KIAA1210: variants seen among roughly 807,000 people sequenced by gnomAD.
KIAA1210 encodes the protein KIAA1210, also known as acrosomal protein KIAA1210.
In KIAA1210, 48 loss-of-function variants were observed where a neutral mutation model predicts 78.9. The observed-to-expected ratio is 0.61, with a 90% CI of 0.48 to 0.77. The LOEUF is 0.77. Ranked by LOEUF, KIAA1210 falls within the 30% of genes least tolerant of loss-of-function variation. The probability of loss-of-function intolerance (pLI) is 0.00; values close to 1 mark genes in which losing one functional copy is unlikely to be tolerated. For synonymous variants in KIAA1210, 406 were observed against 404.5 expected (o/e 1.00, Z -0.04); for missense variants, 1,108 against 1,100.0 (o/e 1.01, Z -0.10).
Position 119,081,215 on chromosome X carries a change from G to T in KIAA1210, c.*114C>A. On this transcript the variant is annotated 3_prime_UTR_variant, in exon 12 of 12. Coordinates refer to ENST00000691062, the MANE Select transcript of KIAA1210 (RefSeq NM_001394962.1). ...CCGGGAGGCGGAGCTTGCAGTGAGC[G>T]GAGATCGCGCCACTGCACTCCAATC... 1.7e-6 allele frequency: 1 copy of T among 572,119 alleles called. No individual in the cohort carries two copies. The allele number at this position is 572,119 out of a possible 1,213,427, so 47.1% of individuals were successfully genotyped here. A position where few individuals can be genotyped will look rare whatever the true frequency, so the allele number is the denominator to read the frequency against.
intron 2 of KIAA1210, among the ~76,000 whole-genome samples, chrX:119,133,955 A>G (rs986034197): frequency 9.0e-6 from 1 of 111,450 alleles, no homozygotes; most frequent in African/African-American, 3.3e-5. Flanking sequence ...GTAGATATTC[A>G]TCACCTCAAA....
chrX:119,097,242 T>C (rs1927584606), intron 6 of KIAA1210, among the ~76,000 whole-genome samples: 1 of 111,640 alleles, frequency 9.0e-6, no homozygotes, highest in Non-Finnish European at 1.9e-5. Flanking sequence ...GGGAGGACCC[T>C]CAGGAACTGA....
At chrX:119,094,486 C>T (rs1400255181) in intron 7 of KIAA1210, among the ~76,000 whole-genome samples, 1 of 112,437 alleles carries the variant, frequency 8.9e-6, no homozygotes, top group Non-Finnish European at 1.9e-5. Context: ...TACACTCCCA[C>T]TCAAAGTGCC....
At chrX:119,111,046 C>A (rs192505833) in intron 3 of KIAA1210, among the ~76,000 whole-genome samples, 10 of 110,482 alleles carry the variant, frequency 9.1e-5, no homozygotes, top group Non-Finnish European at 1.3e-4. Flanking sequence ...TCAAAGCTTA[C>A]TATAAAACTA....
intron 3 of KIAA1210, among the ~76,000 whole-genome samples, chrX:119,115,344 C>T (rs1401718927): frequency 9.0e-6 from 1 of 111,016 alleles, no homozygotes; most frequent in East Asian, 2.8e-4. Context: ...AACCTGAATG[C>T]CCCTCCCTGA....
rs1286133236 is a variant in KIAA1210, at chrX:119,087,811, T to C, written c.2891A>G (p.Glu964Gly). Residue 964 changes from glutamate to glycine, a missense_variant, in exon 9 of 12, where the codon GAG becomes GGG. By Grantham distance (98) the Glu-to-Gly change is moderately conservative (BLOSUM62 -2). Coordinates refer to ENST00000691062, the MANE Select transcript of KIAA1210 (RefSeq NM_001394962.1). Reference protein sequence around the residue: ...NKVQQLSSNFERAAIEADISG... With the variant: ...NKVQQLSSNFGRAAIEADISG... ...AATGTCTGCCTCAATAGCAGCCCGC[T>C]CGAAATTTGAGGACAGTTGCTGGAC... The C allele has an allele frequency of 3.3e-6, 4 of 1,210,063 alleles. No homozygotes were observed. The highest frequency in any genetic ancestry group is 4.4e-5 in the Admixed American group (2 of 45,793).
intron 2 of KIAA1210, among the ~76,000 whole-genome samples, chrX:119,133,641 G>A (rs1235667453): frequency 9.2e-6 from 1 of 108,870 alleles, no homozygotes; most frequent in Admixed American, 9.8e-5. Context: ...TAGAGGAGGA[G>A]AACAATCTTT....
At position 119,093,916 on chromosome X, in the gene KIAA1210, A is replaced by C; in HGVS notation, c.847-141T>G. ...TACCTTTAAAGATGGACGTTATTTC[A>C]ATGGAGATATTTCCAGGGATTTCTT... On this transcript the variant is annotated intron_variant, in intron 7 of 11. Transcript: ENST00000691062. 3.3e-6 allele frequency: 3 copies of C among 897,512 alleles called. No individual in the cohort carries two copies. In the South Asian group the frequency reaches 6.4e-5, roughly 19 times the overall value. The allele number at this position is 897,512 out of a possible 1,213,427, so 74.0% of individuals were successfully genotyped here. A position where few individuals can be genotyped will look rare whatever the true frequency, so the allele number is the denominator to read the frequency against.
intron 3 of KIAA1210, 28 bp downstream of exon 3, chrX:119,116,468 C>G: frequency 8.3e-7 from 1 of 1,201,191 alleles, no homozygotes; most frequent in African/African-American, 1.7e-5. Context: ...CCCCTGTCCC[C>G]ATCACTCTCC....
intron 6 of KIAA1210, among the ~76,000 whole-genome samples, chrX:119,099,103 G>A (rs1238299293): frequency 4.4e-5 from 5 of 112,578 alleles, no homozygotes; most frequent in Non-Finnish European, 9.4e-5. Flanking sequence ...AAAGAACACC[G>A]TACAACTTGC....
intron 9 of KIAA1210, 106 bp downstream of exon 9, chrX:119,086,440 C>T: frequency 1.3e-6 from 1 of 787,337 alleles, no homozygotes; most frequent in Non-Finnish European, 1.8e-6. Flanking sequence ...ATCAAAGCCA[C>T]AATTCAGTAA....
upstream of KIAA1210, among the ~76,000 whole-genome samples, chrX:119,127,963 C>T (rs927068766): frequency 6.3e-5 from 7 of 111,495 alleles, no homozygotes; most frequent in Admixed American, 3.8e-4. Context: ...CCTTCTGGGT[C>T]GCCTTTGCTG....
intron 2 of KIAA1210, among the ~76,000 whole-genome samples, chrX:119,138,034 G>C (rs772039248): frequency 4.5e-5 from 5 of 110,705 alleles, no homozygotes; most frequent in African/African-American, 1.3e-4. Flanking sequence ...AAGAACAAGG[G>C]AAGGTGAAAC....
chrX:119,086,107 T>C lies in KIAA1210; in HGVS notation c.4156+439A>G, dbSNP rs143505604. 8.5e-3 allele frequency among the ~76,000 whole-genome samples: 957 copies of C among 112,235 alleles called. 9 individuals are homozygous for C. The highest frequency in any genetic ancestry group is 0.03 in the African/African-American group (912 of 30,902). On this transcript the variant is annotated intron_variant, in intron 9 of 11. Coordinates refer to ENST00000691062, the MANE Select transcript of KIAA1210 (RefSeq NM_001394962.1). ...ATATTTCAGATGAGCGAAGAGACAT[T>C]TATGGCAAATTAAGATTTCAGGCTG...
intron 2 of KIAA1210, among the ~76,000 whole-genome samples, chrX:119,134,871 G>T (rs1928875897): frequency 8.9e-6 from 1 of 112,252 alleles, no homozygotes; most frequent in Admixed American, 9.4e-5. Context: ...GTGATCAAAG[G>T]CTCTGTTCTT....
intron 2 of KIAA1210, among the ~76,000 whole-genome samples, chrX:119,141,556 A>G (rs1468393489): frequency 8.9e-6 from 1 of 112,483 alleles, no homozygotes; most frequent in Non-Finnish European, 1.9e-5. Context: ...AGCAAGAAAT[A>G]TGGTTCAAAA....
chrX:119,093,633 A>G, intron 8 of KIAA1210, 34 bp downstream of exon 8: 1 of 1,066,096 alleles, frequency 9.4e-7, no homozygotes, highest in Non-Finnish European at 1.3e-6. Context: ...AGTCTGTCAT[A>G]CATGTTTCTG....
At position 119,108,390 on chromosome X, in the gene KIAA1210, G is replaced by A. The variant is rs751073148; in HGVS notation, c.439C>T (p.Leu147Phe). 33 of 1,208,495 alleles carry A rather than the reference G, an allele frequency of 2.7e-5. No individual in the cohort carries two copies. Among genetic ancestry groups the A allele is most frequent in the Admixed American group, 2.6e-4 (12 of 45,567 alleles). The change falls in exon 5 of 12, where the codon CTT (leucine) becomes TTT (phenylalanine). Residue 147 changes from leucine (L) to phenylalanine (F), a missense_variant. By Grantham distance (22) the Leu-to-Phe change is conservative. Coordinates refer to ENST00000691062, the MANE Select transcript of KIAA1210 (RefSeq NM_001394962.1). Reference protein sequence around the residue: ...VVSGAMSGAVLQNVPTSAVWV... With the variant: ...VVSGAMSGAVFQNVPTSAVWV... ...ACTGCACTTGTAGGCACATTTTGAA[G>A]CACAGCTCCTGACATGGCTCCAGAC...
At chrX:119,096,406 A>G (rs1269798366) in intron 7 of KIAA1210, 88 bp downstream of exon 7, 3 of 880,448 alleles carry the variant, frequency 3.4e-6, no homozygotes, top group African/African-American at 2.0e-5. Flanking sequence ...CTCCTACACC[A>G]TACTATTTCC....
Sources: gnomAD v4.1 joint callset for allele counts (sites outside exome capture counted in the v4.1 genomes callset) on GRCh38, gnomAD v4.1.1 for gene constraint, MANE v1.5 for transcripts, NCBI Gene and HGNC (gene_info 2026-07-23, HGNC 2026-07-21) for gene names.